ZNF732: variants seen among roughly 807,000 people sequenced by gnomAD.
The protein encoded by ZNF732 is zinc finger protein 732.
In ZNF732, 12 loss-of-function variants were observed where a neutral mutation model predicts 11.5. The ratio of observed to expected loss-of-function variants is 1.05; its 90% CI spans 0.67 to 1.70. The LOEUF is 1.70. ZNF732 is among the 40% of genes most tolerant of loss of function. The pLI is 0.00. For missense variants in ZNF732, 702 were observed against 676.9 expected (o/e 1.04, Z -0.41); for synonymous variants, 231 against 236.5 (o/e 0.98, Z 0.21).
chr4:299,345 ATATATACACATATATACACATATGTG>A (rs1720029702), intron 1 of ZNF732, among the ~76,000 whole-genome samples: 1 of 128,384 alleles, frequency 7.8e-6, no homozygotes, highest in Non-Finnish European at 1.6e-5. Context: ...AGTTATGAGT[ATATATACACATATATACACATATGTG>A]TATATATATA....
intron 3 of ZNF732, among the ~76,000 whole-genome samples, chr4:277,993 T>A (rs1418351401): frequency 6.6e-6 from 1 of 152,118 alleles, no homozygotes; most frequent in African/African-American, 2.4e-5. Context: ...AAAACTTGGA[T>A]GAATAAAGAA....
At chr4:299,468 TATATACAC>T (rs1266598284) in intron 1 of ZNF732, among the ~76,000 whole-genome samples, 24 of 109,774 alleles carry the variant, frequency 2.2e-4, no homozygotes, top group Admixed American at 4.3e-4. Context: ...TGTGTATATA[TATATACAC>T]ATATATACAC....
At chr4:303,263 G>C (rs1470602313) in intron 1 of ZNF732, among the ~76,000 whole-genome samples, 1 of 151,958 alleles carries the variant, frequency 6.6e-6, no homozygotes, top group South Asian at 2.1e-4. Context: ...AAGTATAAAA[G>C]AAAATCTAGC....
chr4:294,262 A>G (rs1553841833), intron 3 of ZNF732, among the ~76,000 whole-genome samples: 1 of 152,224 alleles, frequency 6.6e-6, no homozygotes, highest in Non-Finnish European at 1.5e-5. Context: ...AGCCTCCCAA[A>G]GTGCTGGGAT....
chr4:271,996 A>G lies in ZNF732; in HGVS notation c.861T>C (p.Ile287=), dbSNP rs782445264. 2 of 1,608,398 alleles carry G rather than the reference A, an allele frequency of 1.2e-6. No individual in the cohort carries two copies. The highest frequency in any genetic ancestry group is 1.7e-6 in the Non-Finnish European group (2 of 1,177,130). The part of the protein sequence containing the change: ...PFTCEECGKI[I]TSSSNVAKHK... ...GTTTGGCAACATTTGAGGATGAGGT[A>G]ATGATTTTGCCACATTCTTCACATG... Residue 287 remains isoleucine (I), a synonymous_variant, in exon 4 of 4, where the codon ATT becomes ATC. Coordinates refer to ENST00000419098, the MANE Select transcript of ZNF732 (RefSeq NM_001137608.3).
In ZNF732 at chr4:271,599, A is replaced by G. The variant is rs782773527; in HGVS notation, c.1258T>C (p.Cys420Arg). The stretch of plus-strand genomic sequence containing the variant: ...CCAAAGGCTTTGCCACACTCTTCAC[A>G]TTTGTGGGGCCTCTCTCCAGTATGA... ...RIHTGERPHK[C>R]EECGKAFGWS... Residue 420 changes from cysteine (C) to arginine (R), a missense_variant, in exon 4 of 4, where the codon TGT (cysteine) becomes CGT (arginine). Coordinates refer to ENST00000419098, the MANE Select transcript of ZNF732 (RefSeq NM_001137608.3). 7 of 1,613,168 alleles carry G rather than the reference A, an allele frequency of 4.3e-6. No individual in the cohort carries two copies. The highest frequency in any genetic ancestry group is 2.2e-5 in the East Asian group (1 of 44,866).
At chr4:290,249 C>T (rs1352651426) in intron 3 of ZNF732, among the ~76,000 whole-genome samples, 2 of 152,206 alleles carry the variant, frequency 1.3e-5, no homozygotes, top group African/African-American at 4.8e-5. Context: ...AGGCCCTCAC[C>T]AGGTGGCCAA....
intron 3 of ZNF732, among the ~76,000 whole-genome samples, chr4:291,448 G>A (rs570090594): frequency 6.6e-6 from 1 of 152,032 alleles, no homozygotes; most frequent in South Asian, 2.1e-4. Flanking sequence ...AATTCAATTT[G>A]CAATACTATA....
At chr4:283,580 T>G (rs978746730) in intron 3 of ZNF732, among the ~76,000 whole-genome samples, 1 of 150,774 alleles carries the variant, frequency 6.6e-6, no homozygotes, top group Non-Finnish European at 1.5e-5. Flanking sequence ...CAATTAAAAA[T>G]ATATATATAC....
In ZNF732 at chr4:272,250, C is replaced by A. The variant is rs781876637; in HGVS notation, c.607G>T (p.Asp203Tyr). The A allele has an allele frequency of 2.5e-6, 4 of 1,612,760 alleles. No homozygotes were observed. The highest frequency in any genetic ancestry group is 2.2e-5 in the East Asian group (1 of 44,802). Residue 203 changes from aspartate (D) to tyrosine (Y), a missense_variant, in exon 4 of 4, where the codon GAC becomes TAC. Coordinates refer to ENST00000419098, the MANE Select transcript of ZNF732 (RefSeq NM_001137608.3). The stretch of plus-strand genomic sequence containing the variant: ...TTAAAGATTAAATACCATTTAAAGT[C>A]TTTGCCACATTCTTCACATGTGTAG... The part of the protein sequence containing the change: ...KPYTCEECGK[D>Y]FKWYLIFNEY...
chr4:288,884 G>A (rs782578459), intron 3 of ZNF732, among the ~76,000 whole-genome samples: 24 of 152,142 alleles, frequency 1.6e-4, no homozygotes, highest in Non-Finnish European at 2.8e-4. Context: ...ATGTAACAGG[G>A]TTTTGAAACC....
At chr4:287,219 CTT>C (rs139873066) in intron 3 of ZNF732, among the ~76,000 whole-genome samples, 5 of 144,520 alleles carry the variant, frequency 3.5e-5, no homozygotes, top group Admixed American at 1.4e-4. Flanking sequence ...ACTTAACATA[CTT>C]TTTTTTTTTT....
At chr4:305,133 A>G (rs1407747054) in intron 1 of ZNF732, among the ~76,000 whole-genome samples, 175 bp downstream of exon 1, 1 of 152,182 alleles carries the variant, frequency 6.6e-6, no homozygotes, top group Non-Finnish European at 1.5e-5. Context: ...GGCTGGGCCA[A>G]AGCCGCCTTG....
At chr4:276,277 T>C (rs1373876002) in intron 3 of ZNF732, among the ~76,000 whole-genome samples, 1 of 151,850 alleles carries the variant, frequency 6.6e-6, no homozygotes, top group Non-Finnish European at 1.5e-5. Context: ...CAGAGACTCT[T>C]ATATTGGAAA....
intron 2 of ZNF732, 85 bp downstream of exon 2, chr4:295,941 CAGA>C (rs141266541): frequency 0.014 from 20,161 of 1,476,880 alleles, 685 homozygotes; most frequent in South Asian, 0.11. Flanking sequence ...TCACACAAAG[CAGA>C]AGGTTCCCAA....
chr4:280,176 A>C (rs1456044625), intron 3 of ZNF732, among the ~76,000 whole-genome samples: 1 of 151,800 alleles, frequency 6.6e-6, no homozygotes, highest in Non-Finnish European at 1.5e-5. Context: ...AAAATATAGA[A>C]TATAGATGTA....
At chr4:275,168 A>G (rs1241317800) in intron 3 of ZNF732, among the ~76,000 whole-genome samples, 3 of 151,154 alleles carry the variant, frequency 2.0e-5, no homozygotes, top group African/African-American at 7.3e-5. Flanking sequence ...AAAAAGTCTT[A>G]AAGTTTTAAA....
chr4:292,720 T>C (rs1719863705), intron 3 of ZNF732, among the ~76,000 whole-genome samples: 1 of 151,160 alleles, frequency 6.6e-6, no homozygotes, highest in Non-Finnish European at 1.5e-5. Context: ...TATATGCTGT[T>C]GGTGAGATGT....
Position 272,052 on chromosome 4 carries a change from T to TA in ZNF732, c.804dup (p.Lys269Ter). 6.2e-7 allele frequency: 1 copy of TA among 1,610,580 alleles called. No homozygotes were observed. Among genetic ancestry groups the TA allele is most frequent in the Non-Finnish European group, 8.5e-7 (1 of 1,178,314 alleles). ...GGTTTCTCTTCAGCATGAATTCTCT[T>TA]ATGCTTAGTAAGGGTTGAGGACCTA... is the stretch of plus-strand genomic sequence containing the variant. On this transcript the variant is annotated frameshift_variant, in exon 4 of 4. Transcript: ENST00000419098. LOFTEE classifies it low-confidence loss of function (END_TRUNC).
Sources: allele counts gnomAD v4.1 joint callset (sites outside exome capture counted in the v4.1 genomes callset), GRCh38; gene constraint gnomAD v4.1.1; transcripts MANE v1.5; gene names NCBI Gene and HGNC (gene_info 2026-07-23, HGNC 2026-07-21).